The following CKAP5 variants were observed in gnomAD, a reference collection of about 807,000 sequenced individuals.
The protein encoded by CKAP5 is cytoskeleton associated protein 5, also known as cytoskeleton-associated protein 5.
CKAP5 carries 27 observed loss-of-function variants against 232.8 expected under a neutral mutation model. That is an observed-to-expected ratio of 0.12 (90% confidence interval 0.09 to 0.16). The LOEUF is 0.16. CKAP5 is among the 10% of genes least tolerant of loss of function. The pLI is 1.00. For synonymous variants in CKAP5, 785 were observed against 841.1 expected, an observed-to-expected ratio of 0.93 and a Z score of 1.16; for missense variants, 1,838 against 2,424.7, an observed-to-expected ratio of 0.76 and a Z score of 5.08.
intron 26 of CKAP5, among the ~76,000 whole-genome samples, chr11:46,767,951 C>T (rs1439854580): frequency 6.6e-6 from 1 of 151,926 alleles, no homozygotes; most frequent in African/African-American, 2.4e-5. Flanking sequence ...TGCCACCGCA[C>T]CCAGCTAATT....
intron 28 of CKAP5, 68 bp downstream of exon 28, chr11:46,765,063 G>T (rs1194188495): frequency 6.9e-7 from 1 of 1,444,092 alleles, no homozygotes; most frequent in East Asian, 2.4e-5. Flanking sequence ...CATGAATTCA[G>T]ACAGCAAAAC....
intron 42 of CKAP5, among the ~76,000 whole-genome samples, chr11:46,746,154 G>A (rs899755192): frequency 2.6e-5 from 4 of 152,130 alleles, no homozygotes; most frequent in Admixed American, 1.3e-4. Context: ...ATTCTCAAAT[G>A]TAAGAGTAGG....
chr11:46,799,372 T>C (rs1347518788), intron 9 of CKAP5, among the ~76,000 whole-genome samples: 1 of 152,220 alleles, frequency 6.6e-6, no homozygotes, highest in African/African-American at 2.4e-5. Context: ...GACTACTTGG[T>C]ATAGTTCAAG....
At chr11:46,810,458 G>A (rs1442234958) in intron 5 of CKAP5, among the ~76,000 whole-genome samples, 1 of 152,012 alleles carries the variant, frequency 6.6e-6, no homozygotes, top group East Asian at 1.9e-4. Flanking sequence ...TACAGGCTGT[G>A]CTACCATGCT....
At chr11:46,750,887 A>G (rs761336506) in intron 40 of CKAP5, among the ~76,000 whole-genome samples, 2 of 152,188 alleles carry the variant, frequency 1.3e-5, no homozygotes, top group Non-Finnish European at 2.9e-5. Context: ...TCTGGTGACC[A>G]ATGCCTTAGG....
chr11:46,743,315 G>A lies in CKAP5; in HGVS notation c.*708C>T, dbSNP rs1475115222. 1 of 152,162 alleles carries A rather than the reference G, an allele frequency of 6.6e-6. No individual in the cohort carries two copies. The highest frequency in any genetic ancestry group is 2.4e-5 in the African/African-American group (1 of 41,436). 9.4% of individuals were successfully genotyped at this position (152,162 alleles called of 1,614,324 possible). ...TGACCAAAATCTCAAAACAAGGAAG[G>A]ATGAGATTTTTCTGCTCCCTAGGAG... is the stretch of plus-strand genomic sequence containing the variant. On this transcript the variant is annotated 3_prime_UTR_variant, in exon 44 of 44. Coordinates refer to ENST00000529230, the MANE Select transcript of CKAP5 (RefSeq NM_001008938.4).
At chr11:46,805,466 T>G (rs1428391652) in intron 8 of CKAP5, among the ~76,000 whole-genome samples, 1 of 152,080 alleles carries the variant, frequency 6.6e-6, no homozygotes. Flanking sequence ...GAAGAGATAA[T>G]TATAAGGAGG....
At position 46,743,454 on chromosome 11, in the gene CKAP5, T is replaced by TCTAA. The variant is rs1474830265; in HGVS notation, c.*565_*568dup. 1 of 154,898 alleles carries TCTAA rather than the reference T, an allele frequency of 6.5e-6. No homozygotes were observed. Among genetic ancestry groups the TCTAA allele is most frequent in the Non-Finnish European group, 1.4e-5 (1 of 69,586 alleles). The allele number at this position is 154,898 out of a possible 1,614,324, so 9.6% of individuals were successfully genotyped here. Reference sequence around the variant, plus strand: ...CTCTGTAAGCAGTAATTAACCTTTCTCTAACTGGCTGAATACCCAGCTGGT... The same window carrying TCTAA: ...CTCTGTAAGCAGTAATTAACCTTTCTCTAACTAACTGGCTGAATACCCAGCTGGT... On this transcript the variant is annotated 3_prime_UTR_variant, in exon 44 of 44. Transcript: ENST00000529230.
intron 1 of CKAP5, among the ~76,000 whole-genome samples, chr11:46,825,986 T>C (rs1351694870): frequency 6.6e-6 from 1 of 152,120 alleles, no homozygotes; most frequent in Non-Finnish European, 1.5e-5. Context: ...AAAAACTCAC[T>C]GTCTCCAGGT....
chr11:46,829,061 A>G (rs1016134462), intron 1 of CKAP5, among the ~76,000 whole-genome samples: 5 of 152,252 alleles, frequency 3.3e-5, no homozygotes, highest in Admixed American at 3.3e-4. Flanking sequence ...CGTCTATACA[A>G]AAATTGCTTT....
At chr11:46,770,473 C>T (rs2065238306) in intron 25 of CKAP5, among the ~76,000 whole-genome samples, 1 of 152,094 alleles carries the variant, frequency 6.6e-6, no homozygotes. Flanking sequence ...CTCTTGTTGC[C>T]CAGGCTGGAG....
rs775452412 is a variant in CKAP5, at chr11:46,760,725, G to A, written c.4281C>T (p.Pro1427=). 3 of 1,614,210 alleles carry A rather than the reference G, an allele frequency of 1.9e-6. No individual in the cohort carries two copies. Among genetic ancestry groups the A allele is most frequent in the South Asian group, 2.2e-5 (2 of 91,086 alleles). ...CCACCTGTTTTATTGGTGCAGCAGA[G>A]GGTCTCTTTGCTGACCGCTTAATCC... ...EERIKRSAKR[P]SAAPIKQVEE... Residue 1427 remains proline (P), a synonymous_variant, in exon 33 of 44, where the codon CCC becomes CCT. Transcript: ENST00000529230.
intron 8 of CKAP5, among the ~76,000 whole-genome samples, chr11:46,807,598 A>T (rs1939186283): frequency 6.6e-6 from 1 of 152,264 alleles, no homozygotes; most frequent in African/African-American, 2.4e-5. Context: ...TCTCTTACTT[A>T]GTACTTGTCT....
chr11:46,784,616 T>C lies in CKAP5; in HGVS notation c.2026A>G (p.Lys676Glu). 1.9e-6 allele frequency: 3 copies of C among 1,614,132 alleles called. No homozygotes were observed. Among genetic ancestry groups the C allele is most frequent in the Non-Finnish European group, 2.5e-6 (3 of 1,179,996 alleles). ...TCTAATACAACCTGAGCTGACGTTTTGGAAAAATTTCCCTTCTGGGCAATC... is the reference window on the plus strand; with the variant it reads ...TCTAATACAACCTGAGCTGACGTTTCGGAAAAATTTCCCTTCTGGGCAATC... ...ALIAQKGNFS[K>E]TSAQVVLDGL... The change falls in exon 17 of 44, where the codon AAA (lysine) becomes GAA (glutamate). Residue 676 changes from lysine (K) to glutamate (E), a missense_variant. Physicochemically the swap from Lys to Glu is moderately conservative, Grantham distance 56 (BLOSUM62 1). This residue lies in a region of CKAP5 where 767 missense variants were observed against 954.6 expected (regional missense o/e 0.80). Transcript: ENST00000529230.
chr11:46,803,360 C>T (rs1939079103), intron 8 of CKAP5, among the ~76,000 whole-genome samples: 1 of 151,872 alleles, frequency 6.6e-6, no homozygotes, highest in South Asian at 2.1e-4. Flanking sequence ...CCTCCCCCTC[C>T]CAGGTTCAAG....
At chr11:46,827,552 G>T (rs945890945) in intron 1 of CKAP5, among the ~76,000 whole-genome samples, 1 of 152,108 alleles carries the variant, frequency 6.6e-6, no homozygotes, top group South Asian at 2.1e-4. Context: ...CTGAGCCCAG[G>T]ACTAGGCTGC....
intron 1 of CKAP5, among the ~76,000 whole-genome samples, chr11:46,835,570 C>A (rs370114816): frequency 6.6e-6 from 1 of 151,878 alleles, no homozygotes; most frequent in Non-Finnish European, 1.5e-5. Context: ...TGGAATTATT[C>A]GACGGAAAAA....
chr11:46,751,736 T>A (rs1439610108), intron 38 of CKAP5, among the ~76,000 whole-genome samples: 5 of 152,136 alleles, frequency 3.3e-5, no homozygotes. Flanking sequence ...GTGTGTCCAG[T>A]CATTCATCTA....
intron 4 of CKAP5, among the ~76,000 whole-genome samples, chr11:46,815,200 G>A (rs1024536942): frequency 3.3e-5 from 5 of 152,026 alleles, no homozygotes; most frequent in Non-Finnish European, 5.9e-5. Context: ...ACAGGCATGC[G>A]CCACCATGCC....
Sources: allele counts gnomAD v4.1 joint callset (sites outside exome capture counted in the v4.1 genomes callset), GRCh38; gene constraint gnomAD v4.1.1; regional missense constraint gnomAD v4.1.1; transcripts MANE v1.5; gene names NCBI Gene and HGNC (gene_info 2026-07-23, HGNC 2026-07-21).